DPP6: variants seen among roughly 807,000 people sequenced by gnomAD.
DPP6 encodes the protein dipeptidyl peptidase like 6.
Under a neutral mutation model 122.6 loss-of-function variants are expected in DPP6, and 69 were observed. The ratio of observed to expected loss-of-function variants is 0.56; its 90% CI spans 0.46 to 0.69. DPP6 has a LOEUF of 0.69. Among genes scored for constraint, DPP6 ranks in the 30% least tolerant of loss-of-function variants. The probability of loss-of-function intolerance (pLI) is 0.00; values close to 1 mark genes in which losing one functional copy is unlikely to be tolerated. For missense variants in DPP6, 928 were observed against 1,116.9 expected, an observed-to-expected ratio of 0.83 and a Z score of 2.41; for synonymous variants, 418 against 433.1, an observed-to-expected ratio of 0.97 and a Z score of 0.43.
At chr7:153,826,388 CTA>C in the DPP6 span, among the ~76,000 whole-genome samples, 62 of 152,272 alleles carry the variant, frequency 4.1e-4, no homozygotes, top group African/African-American at 1.4e-3. Context: ...GAAAACTAGG[CTA>C]TCTTTTTTGT....
intron 3 of DPP6, among the ~76,000 whole-genome samples, chr7:154,485,419 C>T (rs138424010): frequency 3.9e-5 from 6 of 152,232 alleles, no homozygotes; most frequent in Admixed American, 6.5e-5. Context: ...AGAAGAGAGC[C>T]TCAGTTGTCT....
chr7:154,865,277 T>C (rs1803762715), intron 17 of DPP6: 2 of 152,332 alleles, frequency 1.3e-5, no homozygotes, highest in Admixed American at 1.3e-4. Context: ...CTTCCATCAT[T>C]TGACCCACAT....
At chr7:154,607,735 A>G (rs898974571) in intron 5 of DPP6, among the ~76,000 whole-genome samples, 1 of 117,860 alleles carries the variant, frequency 8.5e-6, no homozygotes, top group Non-Finnish European at 1.9e-5. Flanking sequence ...TGTTTATAAC[A>G]TTTTCTTTTC....
chr7:154,154,247 T>G (rs1796572272), intron 1 of DPP6, among the ~76,000 whole-genome samples: 1 of 152,248 alleles, frequency 6.6e-6, no homozygotes, highest in Non-Finnish European at 1.5e-5. Flanking sequence ...TTCACTGAAA[T>G]CGTTTTGAAC....
chr7:153,952,935 G>A (rs1193626187), intron 1 of DPP6, among the ~76,000 whole-genome samples: 1 of 152,182 alleles, frequency 6.6e-6, no homozygotes, highest in African/African-American at 2.4e-5. Flanking sequence ...GCATAGTCAA[G>A]CATATCTTAA....
chr7:153,932,775 A>G (rs1801232329), intron 1 of DPP6, among the ~76,000 whole-genome samples: 1 of 152,090 alleles, frequency 6.6e-6, no homozygotes, highest in African/African-American at 2.4e-5. Flanking sequence ...AGGACCTACC[A>G]TGACTTTCTT....
intron 12 of DPP6, chr7:154,796,111 A>G: frequency 1.7e-6 from 1 of 591,334 alleles, no homozygotes; most frequent in Non-Finnish European, 2.8e-6. Flanking sequence ...TGTGAAAATC[A>G]CGGCTCTTCA....
intron 16 of DPP6, among the ~76,000 whole-genome samples, chr7:154,830,984 C>G (rs557047205): frequency 6.6e-6 from 1 of 152,230 alleles, no homozygotes; most frequent in Non-Finnish European, 1.5e-5. Context: ...TGAACCTTCT[C>G]CAGGATTCTC....
intron 1 of DPP6, among the ~76,000 whole-genome samples, chr7:154,328,984 G>A (rs1002460220): frequency 1.3e-5 from 2 of 152,180 alleles, no homozygotes; most frequent in African/African-American, 4.8e-5. Context: ...ACTGTGGATA[G>A]CTCTGTAAGT....
chr7:153,793,875 C>T, the DPP6 span, among the ~76,000 whole-genome samples: 53 of 152,164 alleles, frequency 3.5e-4, no homozygotes, highest in African/African-American at 1.1e-3. Flanking sequence ...GAACTCGGGC[C>T]GTAGCCTCAG....
intron 5 of DPP6, among the ~76,000 whole-genome samples, chr7:154,571,947 A>G (rs1414546762): frequency 6.6e-6 from 1 of 152,164 alleles, no homozygotes; most frequent in Admixed American, 6.5e-5. Context: ...GGTCTTCTAT[A>G]AAGAAGACTG....
intron 3 of DPP6, among the ~76,000 whole-genome samples, chr7:154,522,818 C>T (rs1827108530): frequency 6.6e-6 from 1 of 152,232 alleles, no homozygotes; most frequent in African/African-American, 2.4e-5. Flanking sequence ...TTCACCTGTA[C>T]AATTAGTGGG....
intron 3 of DPP6, among the ~76,000 whole-genome samples, chr7:154,484,814 A>G (rs1823646393): frequency 6.6e-6 from 1 of 152,198 alleles, no homozygotes. Flanking sequence ...CTTCCTTTGA[A>G]TGGAGGAAAA....
chr7:154,650,762 G>A (rs10234246), intron 6 of DPP6, among the ~76,000 whole-genome samples: 19,463 of 152,134 alleles, frequency 0.13, 1,313 homozygotes, highest in African/African-American at 0.18. Context: ...GATAAAATTC[G>A]TGTTTCTGCT....
At chr7:154,854,533 A>C (rs1336954092) in intron 17 of DPP6, among the ~76,000 whole-genome samples, 2 of 152,166 alleles carry the variant, frequency 1.3e-5, no homozygotes, top group Non-Finnish European at 2.9e-5. Context: ...GACGAGGAAC[A>C]GTTACGGAGG....
At chr7:154,163,059 T>A (rs572429724) in intron 1 of DPP6, among the ~76,000 whole-genome samples, 16 of 152,206 alleles carry the variant, frequency 1.1e-4, no homozygotes, top group Non-Finnish European at 1.9e-4. Context: ...AATCTGATCA[T>A]TGCTAGTGTT....
intron 7 of DPP6, among the ~76,000 whole-genome samples, chr7:154,702,355 C>T (rs1047699149): frequency 6.6e-6 from 1 of 152,252 alleles, no homozygotes; most frequent in South Asian, 2.1e-4. Flanking sequence ...AATGAGTAAG[C>T]TTAATGAGGA....
At chr7:154,578,484 G>C (rs1332900828) in intron 5 of DPP6, among the ~76,000 whole-genome samples, 1 of 151,126 alleles carries the variant, frequency 6.6e-6, no homozygotes, top group East Asian at 1.9e-4. Flanking sequence ...CTGCGTGCAA[G>C]AGTAAGCAGG....
At chr7:153,972,418 T>C (rs551720297) in intron 1 of DPP6, among the ~76,000 whole-genome samples, 4 of 152,128 alleles carry the variant, frequency 2.6e-5, no homozygotes, top group Non-Finnish European at 5.9e-5. Flanking sequence ...AACCTATTTG[T>C]GTGAAGCATG....
Sources: allele counts gnomAD v4.1 joint callset (sites outside exome capture counted in the v4.1 genomes callset), GRCh38; gene constraint gnomAD v4.1.1; transcripts MANE v1.5; gene names NCBI Gene and HGNC (gene_info 2026-07-23, HGNC 2026-07-21).